The following FRMPD2 variants were observed in gnomAD, a reference collection of about 807,000 sequenced individuals.
FRMPD2 encodes FERM and PDZ domain-containing protein 2.
In FRMPD2, 96 loss-of-function variants were observed where a neutral mutation model predicts 140.1. That is an observed-to-expected ratio of 0.69 (90% confidence interval 0.58 to 0.81). FRMPD2 has a LOEUF of 0.81. Ranked by LOEUF, FRMPD2 falls within the 40% of genes least tolerant of loss-of-function variation. The probability of loss-of-function intolerance (pLI) is 0.00; values close to 1 mark genes in which losing one functional copy is unlikely to be tolerated. For synonymous variants in FRMPD2, 449 were observed against 547.6 expected (o/e 0.82, Z 2.52); for missense variants, 1,240 against 1,447.4 (o/e 0.86, Z 2.32).
intron 7 of FRMPD2, 85 bp downstream of exon 7, chr10:48,239,520 T>C (rs1840051317): frequency 2.2e-6 from 2 of 905,214 alleles, no homozygotes; most frequent in East Asian, 2.7e-5. Context: ...TTCTTACTAA[T>C]AATCAGTAAA....
At chr10:48,222,650 A>T (rs566851606) in intron 11 of FRMPD2, among the ~76,000 whole-genome samples, 199 bp from the exon 12 acceptor site, 1 of 152,220 alleles carries the variant, frequency 6.6e-6, no homozygotes, top group East Asian at 1.9e-4. Flanking sequence ...GTTTAGGGCC[A>T]CTCTATGCCA....
rs1268186839 is a variant in FRMPD2 at position 48,249,192 on chromosome 10, A to G, written c.152-14T>C. On this transcript the variant is annotated splice_polypyrimidine_tract_variant and intron_variant, in intron 2 of 28. Coordinates refer to ENST00000374201, the MANE Select transcript of FRMPD2 (RefSeq NM_001018071.4). ...AGTCCGAGGAATCTGAAACCAAGCC[A>G]GTGATGGGGCTGTAGAGACAGAGCT... is the stretch of plus-strand genomic sequence containing the variant. The G allele has an allele frequency of 1.9e-6, 3 of 1,612,918 alleles. No homozygotes were observed. Among genetic ancestry groups the G allele is most frequent in the Admixed American group, 1.7e-5 (1 of 59,950 alleles).
At chr10:48,245,661 T>C (rs1840230709) in intron 3 of FRMPD2, among the ~76,000 whole-genome samples, 1 of 152,228 alleles carries the variant, frequency 6.6e-6, no homozygotes, top group African/African-American at 2.4e-5. Flanking sequence ...CCATATAAAC[T>C]TATTTAGTCC....
intron 10 of FRMPD2, among the ~76,000 whole-genome samples, chr10:48,227,809 A>G (rs768268268): frequency 2.0e-5 from 3 of 152,164 alleles, no homozygotes; most frequent in Non-Finnish European, 1.5e-5. Flanking sequence ...AACAGAACTA[A>G]CCTAAATGTT....
intron 3 of FRMPD2, among the ~76,000 whole-genome samples, chr10:48,246,096 C>T (rs573395012): frequency 6.6e-6 from 1 of 152,294 alleles, no homozygotes; most frequent in South Asian, 2.1e-4. Flanking sequence ...ACAAGCTGCA[C>T]CCCCATTTCC....
At chr10:48,193,192 C>T (rs764190989) in intron 15 of FRMPD2, among the ~76,000 whole-genome samples, 3 of 152,190 alleles carry the variant, frequency 2.0e-5, no homozygotes, top group Non-Finnish European at 4.4e-5. Context: ...AGAGTATTTG[C>T]GGGTGTGTCG....
intron 9 of FRMPD2, among the ~76,000 whole-genome samples, chr10:48,234,402 T>C (rs1839919576): frequency 6.6e-6 from 1 of 152,230 alleles, no homozygotes; most frequent in African/African-American, 2.4e-5. Flanking sequence ...TCAGTGAGCC[T>C]AGTTGCCAGT....
chr10:48,214,571 T>C (rs1839403721), intron 12 of FRMPD2, among the ~76,000 whole-genome samples: 1 of 152,174 alleles, frequency 6.6e-6, no homozygotes, highest in Non-Finnish European at 1.5e-5. Context: ...CAATTCAAAT[T>C]TACTGTGAAT....
intron 1 of FRMPD2, among the ~76,000 whole-genome samples, chr10:48,257,150 G>A (rs1187006708): frequency 2.7e-5 from 4 of 149,264 alleles, no homozygotes; most frequent in African/African-American, 4.9e-5. Context: ...TGGTCACATC[G>A]CCTTCTCCTC....
chr10:48,207,731 C>A (rs1564425482), intron 13 of FRMPD2, among the ~76,000 whole-genome samples: 1 of 152,172 alleles, frequency 6.6e-6, no homozygotes, highest in South Asian at 2.1e-4. Context: ...ACAGCAAGGA[C>A]CTCTTGCTCC....
chr10:48,244,732 A>T, intron 4 of FRMPD2, 52 bp downstream of exon 4: 1 of 1,419,266 alleles, frequency 7.0e-7, no homozygotes, highest in Non-Finnish European at 1.0e-6. Flanking sequence ...AAAACCACTA[A>T]ATAAACCCAG....
intron 14 of FRMPD2, among the ~76,000 whole-genome samples, chr10:48,202,681 T>C (rs970552220): frequency 3.3e-5 from 5 of 152,236 alleles, no homozygotes; most frequent in African/African-American, 1.2e-4. Context: ...ATCCACACTT[T>C]TTCAAAGTCG....
intron 10 of FRMPD2, among the ~76,000 whole-genome samples, chr10:48,231,470 C>T (rs1418616731): frequency 2.6e-5 from 4 of 152,200 alleles, no homozygotes; most frequent in Admixed American, 1.3e-4. Flanking sequence ...TGAAATAAGC[C>T]CTTGGAACCA....
intron 10 of FRMPD2, among the ~76,000 whole-genome samples, chr10:48,226,112 G>A (rs1163992539): frequency 6.6e-6 from 1 of 152,144 alleles, no homozygotes; most frequent in African/African-American, 2.4e-5. Flanking sequence ...GAGCTCCAAT[G>A]GCCAGATGGA....
intron 16 of FRMPD2, among the ~76,000 whole-genome samples, chr10:48,190,246 A>G (rs1838796948): frequency 1.3e-5 from 2 of 152,212 alleles, no homozygotes. Context: ...ATCCTGGCTC[A>G]GGTGTGGCCC....
At chr10:48,253,030 A>T (rs1840422184) in intron 1 of FRMPD2, among the ~76,000 whole-genome samples, 1 of 152,168 alleles carries the variant, frequency 6.6e-6, no homozygotes, top group South Asian at 2.1e-4. Flanking sequence ...CTTATTAAAG[A>T]TAAGAAGGGG....
intron 15 of FRMPD2, among the ~76,000 whole-genome samples, chr10:48,195,325 CT>C (rs889162745): frequency 3.4e-4 from 52 of 152,228 alleles, no homozygotes; most frequent in African/African-American, 1.2e-3. Flanking sequence ...AGTGATCTAT[CT>C]TTTCCCCCTA....
At chr10:48,231,769 C>A (rs1839852844) in intron 10 of FRMPD2, among the ~76,000 whole-genome samples, 1 of 152,270 alleles carries the variant, frequency 6.6e-6, no homozygotes, top group South Asian at 2.1e-4. Context: ...TAATTAGCTC[C>A]TAGGGTCAGG....
intron 20 of FRMPD2, among the ~76,000 whole-genome samples, chr10:48,182,562 C>T (rs1157888273): frequency 6.6e-6 from 1 of 152,226 alleles, no homozygotes; most frequent in East Asian, 1.9e-4. Context: ...ACCCAGCCAG[C>T]ATCACCAAGG....
Sources: allele counts gnomAD v4.1 joint callset (sites outside exome capture counted in the v4.1 genomes callset), GRCh38; gene constraint gnomAD v4.1.1; transcripts MANE v1.5; gene names NCBI Gene and HGNC (gene_info 2026-07-23, HGNC 2026-07-21).